The following PLEKHA5 variants were observed in gnomAD, a reference collection of about 807,000 sequenced individuals.
PLEKHA5 encodes the protein pleckstrin homology domain-containing family A member 5.
A neutral mutation model predicts 181.9 loss-of-function variants in PLEKHA5; 55 were observed. That is an observed-to-expected ratio of 0.30 (90% confidence interval 0.24 to 0.38). PLEKHA5 has a LOEUF of 0.38. PLEKHA5 is among the 10% of genes least tolerant of loss of function. The pLI, the probability that PLEKHA5 is intolerant of heterozygous loss-of-function variation, is 1.00. For synonymous variants in PLEKHA5, 535 were observed against 529.4 expected, an observed-to-expected ratio of 1.01 and a Z score of -0.15; for missense variants, 1,432 against 1,549.5, an observed-to-expected ratio of 0.92 and a Z score of 1.27.
intron 3 of PLEKHA5, among the ~76,000 whole-genome samples, chr12:19,144,776 G>C (rs997987810): frequency 5.3e-5 from 8 of 152,140 alleles, no homozygotes; most frequent in Non-Finnish European, 1.0e-4. Context: ...TGGATATACT[G>C]GTGTGTTTAC....
Position 19,356,705 on chromosome 12 carries a change from C to T in PLEKHA5, c.3139-1523C>T, listed in dbSNP as rs550224958. ...TTTTTGAGACAGAGTCTCTCCCTGT[C>T]GCCCAGGTGCAATGGCGTGATCTCA... On this transcript the variant is annotated intron_variant, in intron 26 of 31. Coordinates refer to ENST00000429027, the MANE Select transcript of PLEKHA5 (RefSeq NM_001256470.2). Among the ~76,000 whole-genome samples, 313 of 117,858 alleles carry T rather than the reference C, an allele frequency of 2.7e-3. 1 individual carries two copies. The highest frequency in any genetic ancestry group is 0.021 in the Middle Eastern group (2 of 96). 77.3% of individuals were successfully genotyped at this position (117,858 alleles called of 152,430 possible). A position where few individuals can be genotyped will look rare whatever the true frequency, so the allele number is the denominator to read the frequency against.
chr12:19,219,967 TAGA>T (rs1319192096), intron 3 of PLEKHA5, among the ~76,000 whole-genome samples: 2 of 152,166 alleles, frequency 1.3e-5, no homozygotes. Flanking sequence ...GATGAGTTGA[TAGA>T]AGAATTGTAG....
rs553159748 is a variant in PLEKHA5, at chr12:19,175,551, A to G, written c.227+43101A>G. Among the ~76,000 whole-genome samples, 12 of 152,328 alleles carry G rather than the reference A, an allele frequency of 7.9e-5. No homozygotes were observed. The East Asian group carries it at 1.7e-3, about 22-fold the overall frequency. Reference sequence around the variant, plus strand: ...TATATAAAAATTCTGGTAGGACACAAAAGAAAATGTTAGCAATAATTACTT... The same window carrying G: ...TATATAAAAATTCTGGTAGGACACAGAAGAAAATGTTAGCAATAATTACTT... On this transcript the variant is annotated intron_variant, in intron 3 of 31. Transcript: ENST00000429027.
At chr12:19,177,270 A>G (rs2047533179) in intron 3 of PLEKHA5, among the ~76,000 whole-genome samples, 1 of 152,178 alleles carries the variant, frequency 6.6e-6, no homozygotes, top group Admixed American at 6.6e-5. Context: ...AAAATATTGA[A>G]CATAGAGATG....
chr12:19,306,755 T>G, intron 15 of PLEKHA5: 1 of 1,029,642 alleles, frequency 9.7e-7, no homozygotes, highest in African/African-American at 1.6e-5. Context: ...AATTCACCTT[T>G]GCCAATCGCA....
chr12:19,192,317 GATT>G (rs1422846040), intron 3 of PLEKHA5, among the ~76,000 whole-genome samples: 1 of 152,080 alleles, frequency 6.6e-6, no homozygotes, highest in African/African-American at 2.4e-5. Flanking sequence ...AGGAAAGACT[GATT>G]AAGTTCACTT....
intron 3 of PLEKHA5, among the ~76,000 whole-genome samples, chr12:19,218,490 C>T (rs560511917): frequency 6.6e-6 from 1 of 152,200 alleles, no homozygotes; most frequent in East Asian, 1.9e-4. Flanking sequence ...ATTTTATTCT[C>T]ATTTATGAAA....
At chr12:19,293,543 A>G (rs1222644388) in intron 15 of PLEKHA5, among the ~76,000 whole-genome samples, 1 of 152,182 alleles carries the variant, frequency 6.6e-6, no homozygotes, top group East Asian at 1.9e-4. Flanking sequence ...GCTAAGATAC[A>G]TGGGAAATAA....
At chr12:19,237,755 A>G (rs2061637050) in intron 3 of PLEKHA5, among the ~76,000 whole-genome samples, 2 of 152,138 alleles carry the variant, frequency 1.3e-5, no homozygotes, top group South Asian at 4.1e-4. Context: ...TGTAGAGGCC[A>G]GGCAAGATTT....
chr12:19,177,724 G>A (rs1565429475), intron 3 of PLEKHA5, among the ~76,000 whole-genome samples: 1 of 152,158 alleles, frequency 6.6e-6, no homozygotes. Flanking sequence ...CCAGTTTATA[G>A]TTGAGGATAA....
chr12:19,173,863 A>G (rs1247210056), intron 3 of PLEKHA5, among the ~76,000 whole-genome samples: 2 of 152,236 alleles, frequency 1.3e-5, no homozygotes, highest in African/African-American at 4.8e-5. Flanking sequence ...AGGAGCCACC[A>G]TCAAAAATCA....
At chr12:19,322,137 A>G (rs925978483) in intron 18 of PLEKHA5, among the ~76,000 whole-genome samples, 173 bp from the exon 19 acceptor site, 1 of 152,200 alleles carries the variant, frequency 6.6e-6, no homozygotes, top group Non-Finnish European at 1.5e-5. Context: ...CCTATTTAGC[A>G]GATTGTAGAG....
intron 15 of PLEKHA5, among the ~76,000 whole-genome samples, chr12:19,308,643 G>A (rs1248281664): frequency 6.6e-6 from 1 of 152,034 alleles, no homozygotes; most frequent in Non-Finnish European, 1.5e-5. Context: ...ATGTTATTGT[G>A]GCAAGAATAT....
At chr12:19,286,839 G>A (rs964988198) in intron 12 of PLEKHA5, among the ~76,000 whole-genome samples, 2 of 151,752 alleles carry the variant, frequency 1.3e-5, no homozygotes, top group African/African-American at 2.4e-5. Flanking sequence ...GGTGGCATGC[G>A]CCTGTAATCC....
chr12:19,194,256 G>A (rs1459038040), intron 3 of PLEKHA5, among the ~76,000 whole-genome samples: 2 of 152,096 alleles, frequency 1.3e-5, no homozygotes, highest in Non-Finnish European at 2.9e-5. Context: ...TTCCATCCAT[G>A]TTGCTGCGAA....
chr12:19,156,409 A>T (rs1299810098), intron 3 of PLEKHA5, among the ~76,000 whole-genome samples: 1 of 150,914 alleles, frequency 6.6e-6, no homozygotes, highest in Non-Finnish European at 1.5e-5. Context: ...TGAGAGACTG[A>T]TTTTTTTTTC....
intron 3 of PLEKHA5, among the ~76,000 whole-genome samples, chr12:19,157,039 G>C (rs937947481): frequency 2.0e-5 from 3 of 151,448 alleles, no homozygotes; most frequent in Admixed American, 6.6e-5. Context: ...CCTGGTGACA[G>C]AGTGAGAATC....
chr12:19,368,481 G>A (rs754719081), intron 30 of PLEKHA5, among the ~76,000 whole-genome samples: 19 of 151,750 alleles, frequency 1.3e-4, no homozygotes, highest in Non-Finnish European at 2.1e-4. Context: ...GAGCAACAGA[G>A]CAAGACCCTG....
At chr12:19,355,696 A>G (rs144618712) in intron 26 of PLEKHA5, among the ~76,000 whole-genome samples, 1 of 152,248 alleles carries the variant, frequency 6.6e-6, no homozygotes, top group Non-Finnish European at 1.5e-5. Context: ...CTATAGAAAT[A>G]ATTATCATGG....
Sources: allele counts gnomAD v4.1 joint callset (sites outside exome capture counted in the v4.1 genomes callset), GRCh38; gene constraint gnomAD v4.1.1; transcripts MANE v1.5; gene names NCBI Gene and HGNC (gene_info 2026-07-23, HGNC 2026-07-21).